Variants in EDDM13 observed in about 807,000 individuals in gnomAD.
EDDM13 encodes epididymal protein 13.
EDDM13 carries 24 observed loss-of-function variants against 17.8 expected under a neutral mutation model. That is an observed-to-expected ratio of 1.35 (90% CI 0.98 to 1.90). The LOEUF (loss-of-function observed/expected upper bound fraction) is 1.90. Ranked by LOEUF, EDDM13 falls within the 40% of genes most tolerant of loss-of-function variation. The probability of loss-of-function intolerance (pLI) is 0.00; values close to 1 mark genes in which losing one functional copy is unlikely to be tolerated. For synonymous variants in EDDM13, 31 were observed against 37.5 expected, an observed-to-expected ratio of 0.83 and a Z score of 0.63; for missense variants, 97 against 100.8, an observed-to-expected ratio of 0.96 and a Z score of 0.16.
chr19:56,309,273 A>T (rs1318041867), intron 14 of EDDM13, among the ~76,000 whole-genome samples: 1 of 152,194 alleles, frequency 6.6e-6, no homozygotes, highest in Non-Finnish European at 1.5e-5. Context: ...CAGAAGGCCA[A>T]TTACTAGTTG....
chr19:56,302,371 TTCC>T lies in EDDM13; in HGVS notation c.423+281_423+283del, dbSNP rs1339746805. Reference sequence around the variant, plus strand: ...CTTCCTTTTTTCTTCCCTCCCTTACTTCCTCCTTCTCTCTCCTCCCTCCCTATT... The same window carrying T: ...CTTCCTTTTTTCTTCCCTCCCTTACTTCCTTCTCTCTCCTCCCTCCCTATT... On this transcript the variant is annotated intron_variant, in intron 13 of 14. Transcript: ENST00000649256. Among the ~76,000 whole-genome samples, 6 of 137,996 alleles carry T rather than the reference TTCC, an allele frequency of 4.3e-5. No individual in the cohort carries two copies. In the East Asian group the frequency reaches 1.5e-3, roughly 35 times the overall value. 90.5% of individuals were successfully genotyped at this position (137,996 alleles called of 152,430 possible). A position where few individuals can be genotyped will look rare whatever the true frequency, so the allele number is the denominator to read the frequency against.
intron 8 of EDDM13, among the ~76,000 whole-genome samples, chr19:56,289,488 C>G (rs2039369520): frequency 6.6e-6 from 1 of 152,192 alleles, no homozygotes; most frequent in South Asian, 2.1e-4. Context: ...AGAGAGACCC[C>G]TCTTCCCATG....
chr19:56,302,651 C>G (rs867207508), intron 13 of EDDM13, among the ~76,000 whole-genome samples: 1 of 113,950 alleles, frequency 8.8e-6, no homozygotes, highest in Admixed American at 8.9e-5. Context: ...CTTTTCTTCC[C>G]CCCCTCCCTG....
chr19:56,273,108 G>T (rs950895407), intron 1 of EDDM13, among the ~76,000 whole-genome samples, 189 bp downstream of exon 1: 1 of 152,148 alleles, frequency 6.6e-6, no homozygotes, highest in African/African-American at 2.4e-5. Flanking sequence ...CCCTGCCCTT[G>T]GAGATACACT....
chr19:56,301,123 A>G (rs2040201336), intron 12 of EDDM13, among the ~76,000 whole-genome samples: 1 of 152,186 alleles, frequency 6.6e-6, no homozygotes, highest in African/African-American at 2.4e-5. Context: ...CGTGCAAGAA[A>G]GAATTTGAGG....
intron 2 of EDDM13, among the ~76,000 whole-genome samples, chr19:56,280,290 C>A (rs78534269): frequency 3.0e-4 from 45 of 152,226 alleles, no homozygotes; most frequent in African/African-American, 1.0e-3. Flanking sequence ...CTTATTTATA[C>A]GTTTTTGGCT....
At chr19:56,287,844 A>C (rs1429132210) in intron 6 of EDDM13, among the ~76,000 whole-genome samples, 1 of 152,202 alleles carries the variant, frequency 6.6e-6, no homozygotes, top group Non-Finnish European at 1.5e-5. Flanking sequence ...ATCCCTTTGC[A>C]TGGATTCTTT....
intron 2 of EDDM13, among the ~76,000 whole-genome samples, chr19:56,277,451 C>G (rs997732885): frequency 2.0e-5 from 3 of 151,274 alleles, no homozygotes; most frequent in African/African-American, 7.3e-5. Flanking sequence ...CACATATTAC[C>G]TGATTCCGTT....
intron 14 of EDDM13, among the ~76,000 whole-genome samples, chr19:56,309,781 C>A (rs895874783): frequency 3.9e-5 from 6 of 152,180 alleles, no homozygotes; most frequent in African/African-American, 1.4e-4. Context: ...GGCCCGGCGC[C>A]GGGACAGTGA....
chr19:56,301,300 G>A (rs1174961969), intron 12 of EDDM13, among the ~76,000 whole-genome samples: 1 of 152,174 alleles, frequency 6.6e-6, no homozygotes, highest in East Asian at 1.9e-4. Context: ...TCCAGGGAAG[G>A]AGTGGAGATT....
In EDDM13 at chr19:56,304,803, A is replaced by G; in HGVS notation, c.434A>G (p.His145Arg). ...SYNKGDWCYCHYCNLELDIRD... is the reference protein window; with the variant it reads ...SYNKGDWCYCRYCNLELDIRD... ...CTTTTTCCTCCCAAGTGTTACTGCC[A>G]CTACTGTAACTTGGAACTGGACATC... is the stretch of plus-strand genomic sequence containing the variant. Residue 145 changes from histidine (H) to arginine (R), a missense_variant, in exon 14 of 15, where the codon CAC becomes CGC. By Grantham distance (29) the His-to-Arg change is conservative (BLOSUM62 0). Transcript: ENST00000649256. 1 of 985,244 alleles carries G rather than the reference A, an allele frequency of 1.0e-6. No homozygotes were observed. The highest frequency in any genetic ancestry group is 1.7e-5 in the African/African-American group (1 of 57,324). The allele number at this position is 985,244 out of a possible 1,614,324, so 61.0% of individuals were successfully genotyped here. A position where few individuals can be genotyped will look rare whatever the true frequency, so the allele number is the denominator to read the frequency against.
intron 9 of EDDM13, among the ~76,000 whole-genome samples, chr19:56,294,007 C>G (rs1374337957): frequency 6.6e-6 from 1 of 152,234 alleles, no homozygotes; most frequent in Non-Finnish European, 1.5e-5. Flanking sequence ...CTGCAGGAGG[C>G]CCCTCTGCCT....
chr19:56,281,307 A>T (rs2038681919), intron 2 of EDDM13, among the ~76,000 whole-genome samples: 1 of 152,188 alleles, frequency 6.6e-6, no homozygotes, highest in Non-Finnish European at 1.5e-5. Context: ...CTAAGTGGAT[A>T]AGTGTAACCA....
chr19:56,278,475 C>T (rs867202358), intron 2 of EDDM13, among the ~76,000 whole-genome samples: 4 of 152,330 alleles, frequency 2.6e-5, no homozygotes, highest in Middle Eastern at 3.4e-3. Flanking sequence ...AATCTAATCT[C>T]ACACAGATAA....
intron 14 of EDDM13, among the ~76,000 whole-genome samples, chr19:56,305,313 A>G (rs1568731763): frequency 6.6e-6 from 1 of 152,186 alleles, no homozygotes; most frequent in Non-Finnish European, 1.5e-5. Flanking sequence ...TACTCTGGTC[A>G]TTTCATACAC....
chr19:56,301,095 G>T (rs1002222769), intron 12 of EDDM13, among the ~76,000 whole-genome samples: 1 of 152,130 alleles, frequency 6.6e-6, no homozygotes, highest in Non-Finnish European at 1.5e-5. Context: ...AAGACCCCCA[G>T]AGAGGGTTCT....
chr19:56,301,974 C>T lies in EDDM13; in HGVS notation c.302C>T (p.Pro101Leu), dbSNP rs1009897442. Residue 101 changes from proline (P) to leucine (L), a missense_variant, in exon 13 of 15, where the codon CCC (proline) becomes CTC (leucine). Coordinates refer to ENST00000649256, the MANE Select transcript of EDDM13 (RefSeq NM_001354658.2). ...TCTCCACGGTTCTCTCCAGTTAAAC[C>T]CTTCTCAGGCACCACCCCATCCAGG... The part of the protein sequence containing the change: ...ETSGCKEEVK[P>L]FSGTTPSRKP... 1 of 1,232,108 alleles carries T rather than the reference C, an allele frequency of 8.1e-7. No individual in the cohort carries two copies. Among genetic ancestry groups the T allele is most frequent in the Non-Finnish European group, 1.0e-6 (1 of 988,262 alleles). 76.3% of individuals were successfully genotyped at this position (1,232,108 alleles called of 1,614,324 possible).
intron 2 of EDDM13, among the ~76,000 whole-genome samples, 138 bp downstream of exon 2, chr19:56,276,247 A>T (rs1168671648): frequency 6.6e-6 from 1 of 152,216 alleles, no homozygotes; most frequent in Non-Finnish European, 1.5e-5. Flanking sequence ...TGGGGTCTGG[A>T]CATGACTCAG....
chr19:56,274,557 G>T (rs1176509179), intron 1 of EDDM13: 1 of 151,902 alleles, frequency 6.6e-6, no homozygotes, highest in Non-Finnish European at 1.5e-5. Flanking sequence ...CAAAAATTAA[G>T]TTTCTGAATA....
Sources: gnomAD v4.1 joint callset for allele counts (sites outside exome capture counted in the v4.1 genomes callset) on GRCh38, gnomAD v4.1.1 for gene constraint, MANE v1.5 for transcripts, NCBI Gene and HGNC (gene_info 2026-07-23, HGNC 2026-07-21) for gene names.